NRCAM: variants seen among roughly 807,000 people sequenced by gnomAD.
NRCAM encodes NgCAM-related cell adhesion molecule.
A neutral mutation model predicts 156.5 loss-of-function variants in NRCAM; 83 were observed. The ratio of observed to expected loss-of-function variants is 0.53; its 90% CI spans 0.44 to 0.64. NRCAM has a LOEUF of 0.64. Ranked by LOEUF, NRCAM falls within the 30% of genes least tolerant of loss-of-function variation. The probability of loss-of-function intolerance (pLI) is 0.00; values close to 1 mark genes in which losing one functional copy is unlikely to be tolerated. For missense variants in NRCAM, 1,417 were observed against 1,597.3 expected (o/e 0.89, Z 1.92); for synonymous variants, 538 against 563.9 (o/e 0.95, Z 0.65).
chr7:108,288,689 T>A (rs2098186943), intron 3 of NRCAM, among the ~76,000 whole-genome samples: 1 of 152,090 alleles, frequency 6.6e-6, no homozygotes, highest in South Asian at 2.1e-4. Flanking sequence ...TTTAAATGCT[T>A]CCTAGAATAT....
chr7:108,232,752 G>A (rs968638704), intron 6 of NRCAM, among the ~76,000 whole-genome samples: 2 of 152,032 alleles, frequency 1.3e-5, no homozygotes, highest in Non-Finnish European at 2.9e-5. Flanking sequence ...GCCCAAATTT[G>A]ACTCAATAAA....
At chr7:108,191,932 A>C (rs895936721) in intron 17 of NRCAM, 79 bp from the exon 18 acceptor site, 1 of 1,496,182 alleles carries the variant, frequency 6.7e-7, no homozygotes, top group Non-Finnish European at 9.0e-7. Flanking sequence ...CAGGAAAAAA[A>C]CTGTAAATTT....
intron 3 of NRCAM, among the ~76,000 whole-genome samples, chr7:108,275,053 T>A (rs1216853782): frequency 1.3e-5 from 2 of 152,204 alleles, no homozygotes; most frequent in South Asian, 4.1e-4. Flanking sequence ...TTGATTTGCG[T>A]ATGTTGAACC....
At chr7:108,256,503 C>T (rs1415527644) in intron 3 of NRCAM, among the ~76,000 whole-genome samples, 4 of 150,904 alleles carry the variant, frequency 2.7e-5, no homozygotes, top group African/African-American at 7.3e-5. Context: ...CCGCAGGGTC[C>T]TCTGCCTAGG....
At chr7:108,212,456 A>G (rs1381401343) in intron 11 of NRCAM, among the ~76,000 whole-genome samples, 2 of 152,344 alleles carry the variant, frequency 1.3e-5, no homozygotes, top group East Asian at 3.9e-4. Flanking sequence ...TCAGAGAGGC[A>G]CCAGAGAAAG....
chr7:108,183,969 C>T (rs1018726492), intron 22 of NRCAM, among the ~76,000 whole-genome samples: 3 of 152,060 alleles, frequency 2.0e-5, no homozygotes, highest in Non-Finnish European at 2.9e-5. Context: ...CATACAGCTG[C>T]CTAACAGACA....
chr7:108,259,364 G>T (rs544284490), intron 3 of NRCAM, among the ~76,000 whole-genome samples: 68 of 152,326 alleles, frequency 4.5e-4, no homozygotes, highest in African/African-American at 1.6e-3. Flanking sequence ...TGAGGCTGTG[G>T]AGAAACAGGA....
At chr7:108,385,906 A>AGAGG (rs3077978) in intron 2 of NRCAM, among the ~76,000 whole-genome samples, 96 of 142,814 alleles carry the variant, frequency 6.7e-4, no homozygotes, top group African/African-American at 1.8e-3. Flanking sequence ...CTATGGAGAG[A>AGAGG]GAGGGAGGGA....
At chr7:108,195,458 T>C (rs2074459212) in intron 15 of NRCAM, among the ~76,000 whole-genome samples, 1 of 152,012 alleles carries the variant, frequency 6.6e-6, no homozygotes. Flanking sequence ...ACCCTAAAAA[T>C]ACAAAAAATT....
At chr7:108,209,331 A>G in intron 12 of NRCAM, 90 bp downstream of exon 12, 1 of 865,304 alleles carries the variant, frequency 1.2e-6, no homozygotes, top group South Asian at 2.0e-5. Flanking sequence ...CTTTACATTT[A>G]CCATTACTAA....
At chr7:108,241,455 G>A (rs1252612630) in intron 3 of NRCAM, among the ~76,000 whole-genome samples, 1 of 152,190 alleles carries the variant, frequency 6.6e-6, no homozygotes, top group Non-Finnish European at 1.5e-5. Context: ...TCAAGAAGGT[G>A]GGAGGGATGT....
intron 3 of NRCAM, among the ~76,000 whole-genome samples, chr7:108,293,616 G>T (rs546291137): frequency 3.9e-5 from 6 of 152,212 alleles, no homozygotes; most frequent in African/African-American, 1.2e-4. Context: ...CCTTATGATT[G>T]TCTCCTAAGC....
At chr7:108,242,003 T>TGCG (rs775158338) in intron 3 of NRCAM, among the ~76,000 whole-genome samples, 54 of 151,864 alleles carry the variant, frequency 3.6e-4, no homozygotes, top group Non-Finnish European at 4.1e-4. Flanking sequence ...CCAGGCCAGG[T>TGCG]GCGGTCATGC....
chr7:108,195,059 G>A (rs1161382104), intron 15 of NRCAM, among the ~76,000 whole-genome samples: 1 of 107,982 alleles, frequency 9.3e-6, no homozygotes, highest in African/African-American at 2.9e-5. Flanking sequence ...AACAAATTCT[G>A]CTTTGGAGCT....
intron 1 of NRCAM, among the ~76,000 whole-genome samples, chr7:108,439,078 AT>A (rs1835562203): frequency 6.6e-6 from 1 of 152,240 alleles, no homozygotes; most frequent in African/African-American, 2.4e-5. Context: ...ACCTACCAAA[AT>A]CTTAGCACTT....
chr7:108,182,637 G>A lies in NRCAM; in HGVS notation c.2530+58C>T. On this transcript the variant is annotated intron_variant, in intron 23 of 32. Coordinates refer to ENST00000379028, the MANE Select transcript of NRCAM (RefSeq NM_001037132.4). ...AACCTGAGCAAGGAGAAATGGCCTT[G>A]GCTTGCACCTTGGTAAGTCTGTTTT... 2.7e-6 allele frequency: 4 copies of A among 1,508,544 alleles called. No individual in the cohort carries two copies. The South Asian group carries it at 4.6e-5, about 17-fold the overall frequency. 93.4% of individuals were successfully genotyped at this position (1,508,544 alleles called of 1,614,324 possible).
At chr7:108,160,078 A>G (rs2047959398) in intron 31 of NRCAM, among the ~76,000 whole-genome samples, 1 of 152,208 alleles carries the variant, frequency 6.6e-6, no homozygotes, top group African/African-American at 2.4e-5. Flanking sequence ...AGTTGGTTTT[A>G]GGTGTTACTT....
chr7:108,196,970 A>G (rs2075482397), intron 14 of NRCAM, among the ~76,000 whole-genome samples: 1 of 152,208 alleles, frequency 6.6e-6, no homozygotes, highest in Admixed American at 6.5e-5. Context: ...TGAATGGAAT[A>G]AAGAAACTGT....
intron 2 of NRCAM, among the ~76,000 whole-genome samples, chr7:108,355,295 T>C (rs2099484443): frequency 6.6e-6 from 1 of 152,214 alleles, no homozygotes; most frequent in Admixed American, 6.5e-5. Context: ...ATACTTGTTA[T>C]CCCTGGTGAG....
Sources: allele counts gnomAD v4.1 joint callset (sites outside exome capture counted in the v4.1 genomes callset), GRCh38; gene constraint gnomAD v4.1.1; transcripts MANE v1.5; gene names NCBI Gene and HGNC (gene_info 2026-07-23, HGNC 2026-07-21).